The following RFT1 variants were observed in gnomAD, a reference collection of about 807,000 sequenced individuals.
RFT1 encodes RFT1 glycolipid translocator homolog.
RFT1 carries 43 observed loss-of-function variants against 62.2 expected under a neutral mutation model. That is an observed-to-expected ratio of 0.69 (90% CI 0.54 to 0.89). RFT1 has a LOEUF of 0.89. RFT1 is among the 40% of genes least tolerant of loss of function. The probability of loss-of-function intolerance (pLI) is 0.00; values close to 1 mark genes in which losing one functional copy is unlikely to be tolerated. For synonymous variants in RFT1, 262 were observed against 264.6 expected, an observed-to-expected ratio of 0.99 and a Z score of 0.10; for missense variants, 605 against 649.9, an observed-to-expected ratio of 0.93 and a Z score of 0.75.
intron 11 of RFT1, among the ~76,000 whole-genome samples, chr3:53,098,260 G>T (rs1701198491): frequency 6.6e-6 from 1 of 152,222 alleles, no homozygotes; most frequent in Non-Finnish European, 1.5e-5. Flanking sequence ...AATTCAGCTT[G>T]GCTAGGAGTG....
intron 5 of RFT1, 120 bp from the exon 6 acceptor site, chr3:53,120,141 T>C: frequency 3.6e-6 from 3 of 823,650 alleles, no homozygotes; most frequent in Non-Finnish European, 5.4e-6. Flanking sequence ...TATTCAGCAA[T>C]GCCTTACCCT....
chr3:53,124,172 C>A (rs1351677551), intron 2 of RFT1, among the ~76,000 whole-genome samples: 1 of 152,196 alleles, frequency 6.6e-6, no homozygotes, highest in South Asian at 2.1e-4. Flanking sequence ...GATTATAACC[C>A]CACCCTTCTT....
In RFT1 at chr3:53,091,906, T is replaced by C. The variant is rs11242; in HGVS notation, c.1623A>G (p.Thr541=). The C allele has an allele frequency of 0.55, 890,009 of 1,613,596 alleles. 251,476 individuals carry two copies. The highest frequency in any genetic ancestry group is 0.76 in the East Asian group (34,208 of 44,840). Residue 541 remains threonine (T), a synonymous_variant, in exon 13 of 13, where the codon ACA becomes ACG. Transcript: ENST00000296292. ...LGVPRRTDKM[T] is the part of the protein sequence containing the mutation. ...GGGTGTCCAGGCTTCCCTGAAGTCA[T>C]GTCATTTTGTCAGTGCGTCTGGGCA... is the stretch of plus-strand genomic sequence containing the variant.
intron 12 of RFT1, 52 bp from the exon 13 acceptor site, chr3:53,092,122 C>T (rs745312874): frequency 3.1e-4 from 503 of 1,607,610 alleles, no homozygotes; most frequent in Non-Finnish European, 4.1e-4. Flanking sequence ...TACCTCCTTC[C>T]TCTGGGACCA....
the RFT1 span, among the ~76,000 whole-genome samples, chr3:53,074,759 C>T: frequency 6.6e-6 from 1 of 152,158 alleles, no homozygotes; most frequent in African/African-American, 2.4e-5. Flanking sequence ...TCCTTTAGAC[C>T]GCACTCAGGG....
At chr3:53,071,010 C>A in the RFT1 span, among the ~76,000 whole-genome samples, 1 of 151,996 alleles carries the variant, frequency 6.6e-6, no homozygotes, top group Non-Finnish European at 1.5e-5. Flanking sequence ...GGATTACAGG[C>A]ATGAGCCACC....
intron 11 of RFT1, among the ~76,000 whole-genome samples, chr3:53,093,112 A>T (rs1425756980): frequency 1.8e-5 from 2 of 111,568 alleles, no homozygotes; most frequent in Non-Finnish European, 4.3e-5. Context: ...ACTCAGCCGG[A>T]CTTCTGACCC....
intron 11 of RFT1, among the ~76,000 whole-genome samples, chr3:53,097,202 C>T (rs945695949): frequency 6.6e-6 from 1 of 152,008 alleles, no homozygotes; most frequent in African/African-American, 2.4e-5. Flanking sequence ...CTATAAAAAT[C>T]CTTGCTAGAG....
intron 7 of RFT1, among the ~76,000 whole-genome samples, chr3:53,107,951 T>A (rs1701534217): frequency 6.6e-6 from 1 of 152,192 alleles, no homozygotes; most frequent in South Asian, 2.1e-4. Flanking sequence ...GTGTTTGTGG[T>A]AGGGACCACT....
chr3:53,129,299 A>C (rs1702194621), intron 1 of RFT1, among the ~76,000 whole-genome samples: 1 of 152,224 alleles, frequency 6.6e-6, no homozygotes, highest in South Asian at 2.1e-4. Context: ...TGTGCCAGGC[A>C]CTTAAGAGGC....
At chr3:53,117,401 A>C (rs1415695574) in intron 6 of RFT1, among the ~76,000 whole-genome samples, 1 of 152,302 alleles carries the variant, frequency 6.6e-6, no homozygotes, top group South Asian at 2.1e-4. Context: ...CTTCAGATCT[A>C]TATCAGGTGC....
the RFT1 span, among the ~76,000 whole-genome samples, chr3:53,070,403 T>TG: frequency 7.3e-6 from 1 of 137,288 alleles, no homozygotes; most frequent in African/African-American, 2.7e-5. Flanking sequence ...GTTTTTTTTT[T>TG]TTTTTTTTTT....
chr3:53,071,132 A>G, the RFT1 span, among the ~76,000 whole-genome samples: 3 of 151,886 alleles, frequency 2.0e-5, no homozygotes. Flanking sequence ...GGCTCAAGCA[A>G]TCCACCCAAA....
intron 6 of RFT1, among the ~76,000 whole-genome samples, chr3:53,112,157 T>C (rs1028187478): frequency 2.6e-5 from 4 of 152,206 alleles, no homozygotes; most frequent in Middle Eastern, 3.2e-3. Context: ...CCCTAAAGAA[T>C]TGCTGCTGTC....
At chr3:53,098,917 C>T (rs1335028982) in intron 11 of RFT1, among the ~76,000 whole-genome samples, 1 of 151,142 alleles carries the variant, frequency 6.6e-6, no homozygotes, top group Non-Finnish European at 1.5e-5. Flanking sequence ...TATGTGTGCA[C>T]TTGGGCTTTT....
chr3:53,111,133 G>A (rs1184239865), intron 7 of RFT1, among the ~76,000 whole-genome samples: 1 of 152,168 alleles, frequency 6.6e-6, no homozygotes, highest in African/African-American at 2.4e-5. Context: ...TGATAAAAAG[G>A]CTGGGTGTGG....
In RFT1 at chr3:53,122,821, C is replaced by G. The variant is rs548859357; in HGVS notation, c.267-258G>C. On this transcript the variant is annotated intron_variant, in intron 3 of 12. Transcript: ENST00000296292. ...TGGGCAATTTGGCCAAGGTCATGAA[C>G]AGCTAATCAAGGGCAGAAGCAAGAC... Among the ~76,000 whole-genome samples the G allele has an allele frequency of 3.3e-5, 5 of 152,242 alleles. No homozygotes were observed. In the South Asian group the frequency reaches 1.0e-3, roughly 32 times the overall value.
chr3:53,101,788 G>C (rs1020943698), intron 10 of RFT1, among the ~76,000 whole-genome samples: 2 of 152,162 alleles, frequency 1.3e-5, no homozygotes, highest in Non-Finnish European at 2.9e-5. Context: ...TGTAATCTCA[G>C]CACTTTGGGA....
In RFT1 at chr3:53,119,907, A is replaced by T. The variant is rs761626080; in HGVS notation, c.673T>A (p.Leu225Ile). ...ACTCCATTTCTTGTAATATTGGGTA[A>T]CAGATCTGTTATTCTGGAGACAGGA... ...TLPVSRITDL[L>I]PNITRNGAFI... Residue 225 changes from leucine to isoleucine, a missense_variant, in exon 6 of 13, where the codon TTA becomes ATA. By Grantham distance (5) the Leu-to-Ile change is conservative (BLOSUM62 2). Coordinates refer to ENST00000296292, the MANE Select transcript of RFT1 (RefSeq NM_052859.4). 7 of 1,612,182 alleles carry T rather than the reference A, an allele frequency of 4.3e-6. No individual in the cohort carries two copies. The highest frequency in any genetic ancestry group is 5.9e-6 in the Non-Finnish European group (7 of 1,178,840).
Sources: gnomAD v4.1 joint callset for allele counts (sites outside exome capture counted in the v4.1 genomes callset) on GRCh38, gnomAD v4.1.1 for gene constraint, MANE v1.5 for transcripts, NCBI Gene and HGNC (gene_info 2026-07-23, HGNC 2026-07-21) for gene names.